The following LAMA1 variants were observed in gnomAD, a reference collection of about 807,000 sequenced individuals.
LAMA1 encodes laminin subunit alpha 1, also known as laminin subunit alpha-1.
Under a neutral mutation model 348.7 loss-of-function variants are expected in LAMA1, and 219 were observed. The observed-to-expected ratio is 0.63, with a 90% CI of 0.56 to 0.70. The LOEUF is 0.70. LAMA1 is among the 30% of genes least tolerant of loss of function. The pLI is 0.00. For synonymous variants in LAMA1, 1,487 were observed against 1,491.0 expected (o/e 1.00, Z 0.06); for missense variants, 3,744 against 3,888.0 (o/e 0.96, Z 0.99).
In LAMA1 at chr18:7,008,512, A is replaced by G. The variant is rs764966789; in HGVS notation, c.4098T>C (p.Pro1366=). Residue 1366 remains proline (P), a synonymous_variant, in exon 28 of 63, where the codon CCT becomes CCC. Coordinates refer to ENST00000389658, the MANE Select transcript of LAMA1 (RefSeq NM_005559.4). ...CCTGACATGAGAATCCCACAGTGCC[A>G]GGAGGACAGACACAATTCTCTAAAA... is the stretch of plus-strand genomic sequence containing the variant. ...ASLLENCVCP[P]GTVGFSCQDC... 1 of 1,613,996 alleles carries G rather than the reference A, an allele frequency of 6.2e-7. No homozygotes were observed. Among genetic ancestry groups the G allele is most frequent in the Non-Finnish European group, 8.5e-7 (1 of 1,179,992 alleles).
At chr18:7,058,185 A>C (rs530714659) in intron 3 of LAMA1, among the ~76,000 whole-genome samples, 1 of 152,298 alleles carries the variant, frequency 6.6e-6, no homozygotes, top group East Asian at 1.9e-4. Context: ...GTCATATATA[A>C]GAAAATGATA....
chr18:6,960,703 C>A (rs2057602987), intron 53 of LAMA1: 1 of 150,202 alleles, frequency 6.7e-6, no homozygotes, highest in East Asian at 1.9e-4. Context: ...ATCAGTGGAA[C>A]TCATTAACCA....
chr18:6,943,165 G>C lies in LAMA1; in HGVS notation c.9067+15C>G. On this transcript the variant is annotated intron_variant, in intron 62 of 62. Transcript: ENST00000389658. The stretch of plus-strand genomic sequence containing the variant: ...AGTGCCCCTTTTGAGTGGAAGAGCA[G>C]GTACCCGTACATACCAGGATAGCCA... The C allele has an allele frequency of 6.2e-7, 1 of 1,608,696 alleles. No individual in the cohort carries two copies. Among genetic ancestry groups the C allele is most frequent in the Non-Finnish European group, 8.5e-7 (1 of 1,175,140 alleles).
Position 6,964,676 on chromosome 18 carries a change from C to T in LAMA1, c.7323G>A (p.Arg2441=). The change falls in exon 51 of 63, where the codon AGG becomes AGA. Residue 2441 remains arginine (R), a synonymous_variant. Coordinates refer to ENST00000389658, the MANE Select transcript of LAMA1 (RefSeq NM_005559.4). ...KDPIYVGGLP[R]SRVVRRGVTT... ...GTTTAATATACCTTACAACTCTTGA[C>T]CTTGGTAATCCACCCACATAAATCG... 1.2e-6 allele frequency: 2 copies of T among 1,614,138 alleles called. No individual in the cohort carries two copies. Among genetic ancestry groups the T allele is most frequent in the Middle Eastern group, 1.6e-4 (1 of 6,062 alleles).
chr18:6,957,781 A>G (rs2057586666), intron 55 of LAMA1, among the ~76,000 whole-genome samples: 1 of 149,214 alleles, frequency 6.7e-6, no homozygotes, highest in African/African-American at 2.6e-5. Context: ...GGAGGCTTCC[A>G]GTTCTTTTTT....
At position 6,951,891 on chromosome 18, in the gene LAMA1, G is replaced by A. The variant is rs531101553; in HGVS notation, c.8208-920C>T. Among the ~76,000 whole-genome samples the A allele has an allele frequency of 3.9e-5, 6 of 152,354 alleles. No homozygotes were observed. The South Asian group carries it at 6.2e-4, about 16-fold the overall frequency. ...AACCAGGTGAATGGTGATTGTGCCC[G>A]CGGCAACGGCAAAGAGCAGGAGAGC... On this transcript the variant is annotated intron_variant, in intron 57 of 62. Transcript: ENST00000389658.
chr18:7,075,721 T>G (rs1416361244), intron 3 of LAMA1, among the ~76,000 whole-genome samples: 2 of 152,068 alleles, frequency 1.3e-5, no homozygotes, highest in Non-Finnish European at 2.9e-5. Context: ...GCAGATCACT[T>G]GAGGTCAGGA....
At chr18:7,050,341 C>T (rs191930180) in intron 4 of LAMA1, among the ~76,000 whole-genome samples, 1 of 152,234 alleles carries the variant, frequency 6.6e-6, no homozygotes, top group East Asian at 1.9e-4. Flanking sequence ...CACCACCTAC[C>T]GAGGAGAACA....
chr18:6,943,843 C>CAAAA (rs61710961), intron 61 of LAMA1, among the ~76,000 whole-genome samples: 1 of 63,200 alleles, frequency 1.6e-5, no homozygotes, highest in Non-Finnish European at 3.1e-5. Context: ...AACTCCATCT[C>CAAAA]AAAAAAAAAA....
chr18:7,036,078 A>T lies in LAMA1; in HGVS notation c.1748T>A (p.Phe583Tyr). 6.2e-7 allele frequency: 1 copy of T among 1,613,596 alleles called. No homozygotes were observed. The highest frequency in any genetic ancestry group is 8.5e-7 in the Non-Finnish European group (1 of 1,179,448). ...CACCGTGTATTTCAGGAATCCGCCA[A>T]ACGCAGTCAGCTGAAATGTTTAAGC... is the stretch of plus-strand genomic sequence containing the variant. ...EAYLGNKLTA[F>Y]GGFLKYTVSY... is the part of the protein sequence containing the mutation. The change falls in exon 13 of 63, where the codon TTT (phenylalanine) becomes TAT (tyrosine). Residue 583 changes from phenylalanine (F) to tyrosine (Y), a missense_variant. Around this residue, in one of 3 missense-constraint regions of LAMA1, gnomAD observed 1,529 missense variants for 1,689.4 expected, o/e 0.91. Transcript: ENST00000389658.
chr18:6,986,429 A>G, intron 36 of LAMA1, 82 bp from the exon 37 acceptor site: 2 of 1,253,534 alleles, frequency 1.6e-6, no homozygotes, highest in Non-Finnish European at 2.3e-6. Flanking sequence ...AAAAATTTTT[A>G]CGTATTTATG....
At chr18:7,002,531 T>C (rs2057812587) in intron 29 of LAMA1, 146 bp from the exon 30 acceptor site, 9 of 919,766 alleles carry the variant, frequency 9.8e-6, no homozygotes, top group Non-Finnish European at 1.6e-5. Flanking sequence ...TTCCTCCATA[T>C]TCTTAAAATC....
At chr18:7,058,251 G>A (rs77231791) in intron 3 of LAMA1, among the ~76,000 whole-genome samples, 6,281 of 152,264 alleles carry the variant, frequency 0.041, 191 homozygotes, top group Admixed American at 0.07. Flanking sequence ...CAAGGGAGGA[G>A]TTACTTAACT....
In LAMA1 at chr18:7,065,250, A is replaced by AAAAAAAC. The variant is rs1467543523; in HGVS notation, c.346-14315_346-14314insGTTTTTT. Among the ~76,000 whole-genome samples, 1,173 of 149,764 alleles carry AAAAAAAC rather than the reference A, an allele frequency of 7.8e-3. 16 individuals are homozygous for AAAAAAAC. Among genetic ancestry groups the AAAAAAAC allele is most frequent in the African/African-American group, 0.028 (1,111 of 39,884 alleles). ...TCTATCTCAAAAAAAAAAAAAAAAA[A>AAAAAAAC]AAACAACGACTAGCCAAAATTTGAT... On this transcript the variant is annotated intron_variant, in intron 3 of 62. Transcript: ENST00000389658.
At chr18:7,007,524 G>A (rs1332381919) in intron 28 of LAMA1, among the ~76,000 whole-genome samples, 1 of 150,132 alleles carries the variant, frequency 6.7e-6, no homozygotes, top group Non-Finnish European at 1.5e-5. Context: ...CTTGTATACT[G>A]CTGGTGAGAA....
intron 11 of LAMA1, chr18:7,038,423 C>G: frequency 2.9e-6 from 1 of 349,786 alleles, no homozygotes; most frequent in Non-Finnish European, 5.5e-6. Flanking sequence ...TGGAGGGCCT[C>G]CTACTCCTTA....
chr18:6,947,328 T>TGA (rs1278604204), intron 60 of LAMA1, 32 bp from the exon 61 acceptor site: 1 of 1,612,498 alleles, frequency 6.2e-7, no homozygotes, highest in East Asian at 2.2e-5. Flanking sequence ...CAAGTCAGGG[T>TGA]GAGCGCTGCC....
rs932248218 is a variant in LAMA1, at chr18:6,949,026, C to T, written c.8556+75G>A. On this transcript the variant is annotated intron_variant, in intron 59 of 62. Transcript: ENST00000389658. ...CAAGGTAATTTAAACATAAAGATGC[C>T]GTGAGGTATGCTCTTCTACAAAATA... The T allele has an allele frequency of 2.5e-5, 39 of 1,565,406 alleles. No homozygotes were observed. In the Middle Eastern group the frequency reaches 6.7e-4, roughly 27 times the overall value.
rs1399092284 is a variant in LAMA1 at position 7,040,093 on chromosome 18, C to G, written c.1405G>C (p.Gly469Arg). Reference sequence around the variant, plus strand: ...CCACTTACCTTACAAACACAGGGCCCTGTGCAGGGCTCATCACTGGCACTG... The same window carrying G: ...CCACTTACCTTACAAACACAGGGCCGTGTGCAGGGCTCATCACTGGCACTG... ...VGSASDEPCT[G>R]PCVCKENVEG... Residue 469 changes from glycine (G) to arginine (R), a missense_variant, in exon 10 of 63, where the codon GGG becomes CGG. Physicochemically the swap from Gly to Arg is moderately radical, Grantham distance 125 (BLOSUM62 -2). This residue lies in a region of LAMA1 where 1,529 missense variants were observed against 1,689.4 expected (regional missense o/e 0.91). Transcript: ENST00000389658. 1 of 1,614,110 alleles carries G rather than the reference C, an allele frequency of 6.2e-7. No individual in the cohort carries two copies. The highest frequency in any genetic ancestry group is 1.7e-4 in the Middle Eastern group (1 of 6,036).
Sources: allele counts gnomAD v4.1 joint callset (sites outside exome capture counted in the v4.1 genomes callset), GRCh38; gene constraint gnomAD v4.1.1; regional missense constraint gnomAD v4.1.1; transcripts MANE v1.5; gene names NCBI Gene and HGNC (gene_info 2026-07-23, HGNC 2026-07-21).